Variants in ZNF827 observed in about 807,000 individuals in gnomAD.
ZNF827 encodes zinc finger protein 827.
A neutral mutation model predicts 102.4 loss-of-function variants in ZNF827; 13 were observed. The observed-to-expected ratio is 0.13, with a 90% CI of 0.08 to 0.20. The LOEUF (loss-of-function observed/expected upper bound fraction) is 0.20, where lower values mean the gene tolerates loss of function less well. Among genes scored for constraint, ZNF827 ranks in the 10% least tolerant of loss-of-function variants. The pLI, the probability that ZNF827 is intolerant of heterozygous loss-of-function variation, is 1.00. For synonymous variants in ZNF827, 523 were observed against 536.2 expected (o/e 0.98, Z 0.34); for missense variants, 1,103 against 1,344.4 (o/e 0.82, Z 2.81).
chr4:145,838,501 G>A (rs1333000582), intron 7 of ZNF827, among the ~76,000 whole-genome samples: 3 of 152,160 alleles, frequency 2.0e-5, no homozygotes, highest in East Asian at 1.9e-4. Context: ...GGACGCGCAT[G>A]AAAAGTCATT....
chr4:145,934,251 A>C (rs1339733327), intron 1 of ZNF827, among the ~76,000 whole-genome samples: 1 of 152,156 alleles, frequency 6.6e-6, no homozygotes, highest in African/African-American at 2.4e-5. Context: ...TTAATACAGG[A>C]CTTCTTTTGA....
intron 8 of ZNF827, among the ~76,000 whole-genome samples, chr4:145,782,858 C>T (rs1738296920): frequency 6.6e-6 from 1 of 152,194 alleles, no homozygotes; most frequent in East Asian, 1.9e-4. Flanking sequence ...ATCAACTGTT[C>T]CTCCACCAAA....
At chr4:145,927,380 T>C (rs910354484) in intron 1 of ZNF827, among the ~76,000 whole-genome samples, 1 of 152,206 alleles carries the variant, frequency 6.6e-6, no homozygotes, top group African/African-American at 2.4e-5. Flanking sequence ...AAAATTCAGC[T>C]TGAAAAGTAT....
intron 7 of ZNF827, among the ~76,000 whole-genome samples, chr4:145,828,854 T>C (rs1478112772): frequency 6.6e-6 from 1 of 152,202 alleles, no homozygotes; most frequent in African/African-American, 2.4e-5. Flanking sequence ...TAAAGGATTA[T>C]GGCTCTAAAT....
intron 5 of ZNF827, among the ~76,000 whole-genome samples, chr4:145,868,406 T>C (rs1346773431): frequency 6.6e-6 from 1 of 152,236 alleles, no homozygotes; most frequent in Non-Finnish European, 1.5e-5. Flanking sequence ...AAACAAGTTT[T>C]CATTTCCACA....
intron 1 of ZNF827, among the ~76,000 whole-genome samples, chr4:145,904,657 A>T (rs1579530683): frequency 1.3e-5 from 2 of 152,244 alleles, no homozygotes; most frequent in South Asian, 4.1e-4. Context: ...GTGCCATAGG[A>T]GGTCAGAGAA....
chr4:145,890,205 C>T (rs1165170744), intron 3 of ZNF827, among the ~76,000 whole-genome samples: 1 of 152,040 alleles, frequency 6.6e-6, no homozygotes, highest in Non-Finnish European at 1.5e-5. Context: ...AAGAATATAC[C>T]GTTTGATAAA....
Position 145,761,249 on chromosome 4 carries a change from G to C in ZNF827, c.*367C>G. ...ACGAAAGGGTGTGTGGTCTTGAACAGGCACTCTTCGCAGCTGAAGGTCTGG... is the reference window on the plus strand; with the variant it reads ...ACGAAAGGGTGTGTGGTCTTGAACACGCACTCTTCGCAGCTGAAGGTCTGG... On this transcript the variant is annotated 3_prime_UTR_variant, in exon 15 of 15. Transcript: ENST00000508784. The surrounding 1 kb of genome is among the most constrained non-coding windows in gnomAD (Gnocchi z 6.8). 1 of 1,289,892 alleles carries C rather than the reference G, an allele frequency of 7.8e-7. No homozygotes were observed. Among genetic ancestry groups the C allele is most frequent in the Non-Finnish European group, 1.0e-6 (1 of 988,876 alleles). 79.9% of individuals were successfully genotyped at this position (1,289,892 alleles called of 1,614,324 possible).
chr4:145,837,386 C>T (rs1303869905), intron 7 of ZNF827, among the ~76,000 whole-genome samples: 1 of 152,178 alleles, frequency 6.6e-6, no homozygotes, highest in African/African-American at 2.4e-5. Context: ...CTACAGGGTA[C>T]AGCCCATTTA....
Position 145,762,561 on chromosome 4 carries a change from G to A in ZNF827, c.*17+529C>T, listed in dbSNP as rs1404287943. On this transcript the variant is annotated intron_variant, in intron 14 of 14. Transcript: ENST00000508784. This position sits in a 1 kb window ranked among gnomAD's most constrained non-coding sequence, Gnocchi z 4.9. Reference sequence around the variant, plus strand: ...TGAGTGGTCTCTACAGGCAATTTAGGTAGATTCTGGAAGGGCGGATGCTGG... The same window carrying A: ...TGAGTGGTCTCTACAGGCAATTTAGATAGATTCTGGAAGGGCGGATGCTGG... Among the ~76,000 whole-genome samples the A allele has an allele frequency of 6.6e-6, 1 of 152,114 alleles. No homozygotes were observed. Among genetic ancestry groups the A allele is most frequent in the Non-Finnish European group, 1.5e-5 (1 of 68,026 alleles).
chr4:145,934,202 G>A (rs573896973), intron 1 of ZNF827, among the ~76,000 whole-genome samples: 2 of 152,288 alleles, frequency 1.3e-5, no homozygotes, highest in Non-Finnish European at 2.9e-5. Flanking sequence ...CAAAAATAGT[G>A]TAGGTTTAAT....
intron 1 of ZNF827, among the ~76,000 whole-genome samples, chr4:145,921,741 G>A (rs1362023663): frequency 3.9e-5 from 6 of 152,110 alleles, no homozygotes; most frequent in African/African-American, 9.7e-5. Flanking sequence ...AAGAAGACAC[G>A]AAGACCAGAA....
intron 1 of ZNF827, among the ~76,000 whole-genome samples, chr4:145,933,932 C>T (rs910606969): frequency 1.3e-5 from 2 of 152,150 alleles, no homozygotes; most frequent in South Asian, 4.1e-4. Flanking sequence ...CACAGTTACC[C>T]ACTCTTCCAT....
chr4:145,848,959 T>TAAA, intron 6 of ZNF827, among the ~76,000 whole-genome samples: 8 of 152,168 alleles, frequency 5.3e-5, no homozygotes, highest in African/African-American at 1.7e-4. Context: ...CAGTCACTGT[T>TAAA]GGAATAAATT....
chr4:145,868,416 A>G (rs559259801), intron 5 of ZNF827, among the ~76,000 whole-genome samples: 2 of 152,338 alleles, frequency 1.3e-5, no homozygotes, highest in East Asian at 3.9e-4. Flanking sequence ...TCATTTCCAC[A>G]TCACGAAGCA....
At chr4:145,837,991 T>A (rs1405015915) in intron 7 of ZNF827, among the ~76,000 whole-genome samples, 1 of 152,000 alleles carries the variant, frequency 6.6e-6, no homozygotes, top group Non-Finnish European at 1.5e-5. Context: ...CCAAAAATTT[T>A]CGCCACCCCA....
intron 7 of ZNF827, among the ~76,000 whole-genome samples, chr4:145,827,539 G>C (rs779925040): frequency 6.6e-6 from 1 of 152,204 alleles, no homozygotes; most frequent in Non-Finnish European, 1.5e-5. Context: ...CCTAGAGCAA[G>C]CCTGTCTCTG....
chr4:145,766,092 A>T (rs1365926029), intron 11 of ZNF827, among the ~76,000 whole-genome samples: 1 of 152,218 alleles, frequency 6.6e-6, no homozygotes, highest in Non-Finnish European at 1.5e-5. Flanking sequence ...CCTGTGTGGC[A>T]CAACTGTTAT....
chr4:145,882,522 TG>T (rs1211830291), intron 4 of ZNF827, among the ~76,000 whole-genome samples: 1 of 151,378 alleles, frequency 6.6e-6, no homozygotes, highest in African/African-American at 2.4e-5. Context: ...GGAATGGGGG[TG>T]GGGGGTATTG....
Sources: gnomAD v4.1 joint callset for allele counts (sites outside exome capture counted in the v4.1 genomes callset) on GRCh38, gnomAD v4.1.1 for gene constraint, Gnocchi (gnomAD v3.1) non-coding constraint, MANE v1.5 for transcripts, NCBI Gene and HGNC (gene_info 2026-07-23, HGNC 2026-07-21) for gene names.